LRMDA: variants seen among roughly 807,000 people sequenced by gnomAD.
LRMDA encodes leucine-rich melanocyte differentiation-associated protein.
LRMDA carries 18 observed loss-of-function variants against 29.8 expected under a neutral mutation model. The observed-to-expected ratio is 0.60, with a 90% CI of 0.42 to 0.90. The LOEUF (loss-of-function observed/expected upper bound fraction) is 0.90. Ranked by LOEUF, LRMDA falls within the 40% of genes least tolerant of loss-of-function variation. LRMDA has a pLI of 0.00. For synonymous variants in LRMDA, 125 were observed against 109.4 expected (o/e 1.14, Z -0.89); for missense variants, 273 against 273.9 (o/e 1.00, Z 0.02).
chr10:76,041,754 C>T (rs1057003630), intron 3 of LRMDA, among the ~76,000 whole-genome samples: 2 of 152,098 alleles, frequency 1.3e-5, no homozygotes, highest in African/African-American at 4.8e-5. Flanking sequence ...GCAAGCCTCC[C>T]CATGACAGCT....
intron 5 of LRMDA, among the ~76,000 whole-genome samples, chr10:76,204,953 G>A (rs1398423956): frequency 6.6e-6 from 1 of 152,156 alleles, no homozygotes; most frequent in African/African-American, 2.4e-5. Context: ...TGATATGACA[G>A]TGACATACTC....
chr10:75,805,353 G>T (rs1843832963), intron 2 of LRMDA, among the ~76,000 whole-genome samples: 1 of 152,236 alleles, frequency 6.6e-6, no homozygotes, highest in Non-Finnish European at 1.5e-5. Context: ...GTGTGCTGCT[G>T]ATCTAAGATG....
chr10:75,787,826 G>T (rs768092559), intron 2 of LRMDA, among the ~76,000 whole-genome samples: 23 of 152,302 alleles, frequency 1.5e-4, no homozygotes, highest in Non-Finnish European at 2.6e-4. Flanking sequence ...TCAAAAGATT[G>T]AGACCATCCT....
chr10:75,616,234 T>TAGCAGTAGCAGCAGTAGCAGC (rs1554816092), intron 2 of LRMDA, among the ~76,000 whole-genome samples: 8 of 146,714 alleles, frequency 5.5e-5, no homozygotes, highest in African/African-American at 2.2e-4. Context: ...ACAGTAATAG[T>TAGCAGTAGCAGCAGTAGCAGC]AGCAGTAGCA....
At chr10:76,439,935 G>A (rs993974089) in intron 6 of LRMDA, among the ~76,000 whole-genome samples, 2 of 152,142 alleles carry the variant, frequency 1.3e-5, no homozygotes, top group South Asian at 2.1e-4. Flanking sequence ...GGTATAGAAC[G>A]ACCCCTTGGG....
intron 5 of LRMDA, among the ~76,000 whole-genome samples, chr10:76,190,011 T>TGTGG (rs1356316116): frequency 3.3e-5 from 5 of 152,202 alleles, no homozygotes; most frequent in African/African-American, 4.8e-5. Flanking sequence ...CAACAGGTAC[T>TGTGG]GTGGGACTTG....
chr10:75,475,066 T>C (rs545523613), intron 2 of LRMDA, among the ~76,000 whole-genome samples: 88 of 152,288 alleles, frequency 5.8e-4, no homozygotes, highest in African/African-American at 2.1e-3. Context: ...ACACTTAGTC[T>C]CCTCTGAGGA....
chr10:75,493,013 G>A (rs1845005391), intron 2 of LRMDA, among the ~76,000 whole-genome samples: 1 of 152,132 alleles, frequency 6.6e-6, no homozygotes, highest in Non-Finnish European at 1.5e-5. Flanking sequence ...ATTGTTCATG[G>A]CCTCGGTAAA....
chr10:76,366,848 C>T (rs1211885838), intron 6 of LRMDA, among the ~76,000 whole-genome samples: 1 of 152,184 alleles, frequency 6.6e-6, no homozygotes, highest in African/African-American at 2.4e-5. Context: ...AGAGGGAATG[C>T]TTTCAACTTT....
intron 5 of LRMDA, among the ~76,000 whole-genome samples, chr10:76,261,645 A>G (rs992611941): frequency 1.3e-5 from 2 of 152,222 alleles, no homozygotes; most frequent in African/African-American, 4.8e-5. Flanking sequence ...ATTTAAACTC[A>G]CTTCTCATAA....
In LRMDA at chr10:76,273,615, C is replaced by T. The variant is rs1264821059; in HGVS notation, c.517-50786C>T. Among the ~76,000 whole-genome samples, 3 of 152,124 alleles carry T rather than the reference C, an allele frequency of 2.0e-5. No individual in the cohort carries two copies. The East Asian group carries it at 5.8e-4, about 29-fold the overall frequency. ...TGTGACAGGGTTCCCTGATGGCAAT[C>T]TCCAAAGAAATACAATTTGGGCATA... On this transcript the variant is annotated intron_variant, in intron 5 of 6. Coordinates refer to ENST00000611255, the MANE Select transcript of LRMDA (RefSeq NM_001305581.2).
At chr10:75,983,589 G>A (rs554209480) in intron 2 of LRMDA, among the ~76,000 whole-genome samples, 27 of 152,094 alleles carry the variant, frequency 1.8e-4, no homozygotes, top group Middle Eastern at 3.4e-3. Context: ...TATAATATGC[G>A]TCTATGTATG....
chr10:76,022,111 A>G (rs1159072754), intron 2 of LRMDA, among the ~76,000 whole-genome samples: 1 of 152,170 alleles, frequency 6.6e-6, no homozygotes, highest in African/African-American at 2.4e-5. Context: ...GATCTTAGAG[A>G]CCTTTTAAGG....
At chr10:76,148,770 T>C (rs1281779364) in intron 5 of LRMDA, among the ~76,000 whole-genome samples, 1 of 152,102 alleles carries the variant, frequency 6.6e-6, no homozygotes, top group Non-Finnish European at 1.5e-5. Flanking sequence ...AAATCACCCA[T>C]CTTCTGTGTT....
At chr10:76,074,360 G>A (rs1848923618) in intron 5 of LRMDA, among the ~76,000 whole-genome samples, 1 of 152,174 alleles carries the variant, frequency 6.6e-6, no homozygotes, top group South Asian at 2.1e-4. Flanking sequence ...CTTAGCTTTG[G>A]AGTGGAAGGT....
At chr10:76,111,243 C>T (rs898125845) in intron 5 of LRMDA, among the ~76,000 whole-genome samples, 3 of 152,234 alleles carry the variant, frequency 2.0e-5, no homozygotes, top group Admixed American at 1.3e-4. Flanking sequence ...TTTAACATGT[C>T]TTTATGTGTT....
chr10:75,962,692 G>A (rs954295726), intron 2 of LRMDA, among the ~76,000 whole-genome samples: 6 of 152,158 alleles, frequency 3.9e-5, no homozygotes, highest in Non-Finnish European at 7.3e-5. Flanking sequence ...AAACTCCAAA[G>A]TTTTTACAAG....
intron 5 of LRMDA, among the ~76,000 whole-genome samples, chr10:76,165,024 G>C (rs1850714238): frequency 2.0e-5 from 3 of 152,232 alleles, no homozygotes; most frequent in Admixed American, 1.3e-4. Context: ...CCAGGCTAGA[G>C]TGCAATGGCA....
intron 5 of LRMDA, among the ~76,000 whole-genome samples, chr10:76,214,792 G>A (rs1851699864): frequency 6.6e-6 from 1 of 152,160 alleles, no homozygotes; most frequent in Non-Finnish European, 1.5e-5. Context: ...AAGAAAACAA[G>A]AAAGCAAAGG....
Sources: gnomAD v4.1 joint callset for allele counts (sites outside exome capture counted in the v4.1 genomes callset) on GRCh38, gnomAD v4.1.1 for gene constraint, MANE v1.5 for transcripts, NCBI Gene and HGNC (gene_info 2026-07-23, HGNC 2026-07-21) for gene names.